The following GRID1 variants were observed in gnomAD, a reference collection of about 807,000 sequenced individuals.
GRID1 encodes the protein glutamate ionotropic receptor delta type subunit 1, also known as glutamate receptor ionotropic, delta-1.
Under a neutral mutation model 98.0 loss-of-function variants are expected in GRID1, and 28 were observed. The observed-to-expected ratio is 0.29, with a 90% CI of 0.21 to 0.39. The LOEUF (loss-of-function observed/expected upper bound fraction) is 0.39. Ranked by LOEUF, GRID1 falls within the 10% of genes least tolerant of loss-of-function variation. GRID1 has a pLI of 1.00. For synonymous variants in GRID1, 553 were observed against 538.5 expected, an observed-to-expected ratio of 1.03 and a Z score of -0.37; for missense variants, 1,111 against 1,340.5, an observed-to-expected ratio of 0.83 and a Z score of 2.67.
chr10:85,850,766 A>G (rs1219088247), intron 8 of GRID1, among the ~76,000 whole-genome samples: 1 of 152,190 alleles, frequency 6.6e-6, no homozygotes, highest in Non-Finnish European at 1.5e-5. Flanking sequence ...GTGTCATTAC[A>G]CTGACTGACC....
intron 8 of GRID1, among the ~76,000 whole-genome samples, chr10:85,797,860 T>C (rs1424732258): frequency 6.6e-6 from 1 of 152,200 alleles, no homozygotes; most frequent in Non-Finnish European, 1.5e-5. Context: ...TTAGTTCACT[T>C]AGCATTATAG....
intron 4 of GRID1, among the ~76,000 whole-genome samples, chr10:86,001,063 G>A (rs533727092): frequency 1.3e-5 from 2 of 152,176 alleles, no homozygotes; most frequent in South Asian, 4.1e-4. Flanking sequence ...AATCTAAAAG[G>A]CATTATTCTC....
chr10:85,863,984 T>G (rs1843191148), intron 6 of GRID1, among the ~76,000 whole-genome samples: 1 of 152,152 alleles, frequency 6.6e-6, no homozygotes, highest in South Asian at 2.1e-4. Flanking sequence ...AAGCTGGAAG[T>G]GTGGAAAATG....
intron 4 of GRID1, among the ~76,000 whole-genome samples, chr10:86,047,055 C>T (rs1381814861): frequency 6.6e-6 from 1 of 152,172 alleles, no homozygotes; most frequent in Non-Finnish European, 1.5e-5. Flanking sequence ...CTCTGAGCAT[C>T]AGAACAAATG....
intron 10 of GRID1, among the ~76,000 whole-genome samples, chr10:85,726,110 G>A (rs559384853): frequency 1.9e-4 from 29 of 152,322 alleles, no homozygotes; most frequent in African/African-American, 6.5e-4. Flanking sequence ...GACTGACAGG[G>A]GACAGGGGAC....
intron 8 of GRID1, among the ~76,000 whole-genome samples, chr10:85,843,878 A>T (rs1189796351): frequency 1.3e-5 from 2 of 151,538 alleles, no homozygotes; most frequent in Admixed American, 6.6e-5. Context: ...TTTGGCTGTA[A>T]TTTTTTTTTA....
rs1318800920 is a variant in GRID1 at position 85,933,275 on chromosome 10, C to A, written c.727-17036G>T. Reference sequence around the variant, plus strand: ...GCCTCCAGAAGTATAAGAAATAAATCTCTGTTCTTTAAAAAAAAAAAAAAA... The same window carrying A: ...GCCTCCAGAAGTATAAGAAATAAATATCTGTTCTTTAAAAAAAAAAAAAAA... On this transcript the variant is annotated intron_variant, in intron 4 of 15. Transcript: ENST00000327946. Among the ~76,000 whole-genome samples, 14 of 110,308 alleles carry A rather than the reference C, an allele frequency of 1.3e-4. No homozygotes were observed. The Admixed American group carries it at 1.5e-3, about 12-fold the overall frequency. 72.4% of individuals were successfully genotyped at this position (110,308 alleles called of 152,430 possible). A position where few individuals can be genotyped will look rare whatever the true frequency, so the allele number is the denominator to read the frequency against.
intron 12 of GRID1, among the ~76,000 whole-genome samples, chr10:85,649,010 T>C (rs1200932451): frequency 1.3e-5 from 2 of 152,220 alleles, no homozygotes; most frequent in African/African-American, 4.8e-5. Flanking sequence ...ATAATGGAGA[T>C]AGAAGCAGAG....
chr10:86,302,081 T>C (rs1270088085), intron 2 of GRID1, among the ~76,000 whole-genome samples: 1 of 152,230 alleles, frequency 6.6e-6, no homozygotes, highest in Non-Finnish European at 1.5e-5. Flanking sequence ...AAGCCTCACT[T>C]GGCTCACACA....
chr10:86,230,281 G>A (rs762234056), intron 2 of GRID1, among the ~76,000 whole-genome samples: 2 of 152,168 alleles, frequency 1.3e-5, no homozygotes, highest in Non-Finnish European at 2.9e-5. Flanking sequence ...AACTACGGAG[G>A]AGAGAGGCCA....
intron 2 of GRID1, among the ~76,000 whole-genome samples, chr10:86,207,732 C>T (rs950429003): frequency 1.3e-4 from 19 of 149,026 alleles, no homozygotes; most frequent in African/African-American, 4.7e-4. Context: ...CCCGGGTTCA[C>T]GCCATTCTCC....
intron 4 of GRID1, among the ~76,000 whole-genome samples, chr10:86,128,855 G>A (rs1012834304): frequency 6.6e-6 from 1 of 152,124 alleles, no homozygotes; most frequent in Admixed American, 6.5e-5. Flanking sequence ...CATGTTCTGG[G>A]TACCCATACC....
intron 2 of GRID1, chr10:86,264,573 T>C (rs55654409): frequency 0.015 from 6,504 of 447,342 alleles, 71 homozygotes; most frequent in Non-Finnish European, 0.024. Context: ...AGAGCAAGGT[T>C]TCCACAATCT....
chr10:85,949,584 G>T (rs1262428428), intron 4 of GRID1, among the ~76,000 whole-genome samples: 2 of 152,062 alleles, frequency 1.3e-5, no homozygotes, highest in Non-Finnish European at 2.9e-5. Flanking sequence ...TATGGATGGT[G>T]CTGCCACATT....
chr10:85,726,134 G>A (rs1841757730), intron 10 of GRID1, among the ~76,000 whole-genome samples: 1 of 152,186 alleles, frequency 6.6e-6, no homozygotes, highest in Non-Finnish European at 1.5e-5. Flanking sequence ...CCCTTCTGTG[G>A]GAGATGGCAG....
intron 5 of GRID1, among the ~76,000 whole-genome samples, chr10:85,910,819 G>A (rs941757921): frequency 6.6e-6 from 1 of 152,188 alleles, no homozygotes; most frequent in African/African-American, 2.4e-5. Flanking sequence ...AGCAGAACTG[G>A]GGTGAGGCTG....
At chr10:85,747,527 C>G (rs2132681728) in intron 8 of GRID1, among the ~76,000 whole-genome samples, 1 of 152,274 alleles carries the variant, frequency 6.6e-6, no homozygotes, top group Admixed American at 6.5e-5. Context: ...GGCCTCCTTC[C>G]TCCTGCCCCT....
intron 12 of GRID1, among the ~76,000 whole-genome samples, chr10:85,663,900 C>G (rs1233074269): frequency 6.6e-6 from 1 of 152,146 alleles, no homozygotes; most frequent in Non-Finnish European, 1.5e-5. Context: ...CCAGCCCAAT[C>G]CAGGTATTGA....
chr10:86,039,179 T>C (rs992574828), intron 4 of GRID1, among the ~76,000 whole-genome samples: 1 of 152,144 alleles, frequency 6.6e-6, no homozygotes. Flanking sequence ...AGAATGCAAA[T>C]AGGACCTTGT....
Sources: gnomAD v4.1 joint callset for allele counts (sites outside exome capture counted in the v4.1 genomes callset) on GRCh38, gnomAD v4.1.1 for gene constraint, MANE v1.5 for transcripts, NCBI Gene and HGNC (gene_info 2026-07-23, HGNC 2026-07-21) for gene names.